GRID1: variants seen among roughly 807,000 people sequenced by gnomAD.
GRID1 encodes glutamate receptor ionotropic, delta-1.
In GRID1, 28 loss-of-function variants were observed where a neutral mutation model predicts 98.0. The observed-to-expected ratio is 0.29, with a 90% CI of 0.21 to 0.39. The LOEUF (loss-of-function observed/expected upper bound fraction) is 0.39, where lower values mean the gene tolerates loss of function less well. Ranked by LOEUF, GRID1 falls within the 10% of genes least tolerant of loss-of-function variation. GRID1 has a pLI of 1.00. For missense variants in GRID1, 1,111 were observed against 1,340.5 expected (o/e 0.83, Z 2.67); for synonymous variants, 553 against 538.5 (o/e 1.03, Z -0.37).
rs1177242598 is a variant in GRID1 at position 86,263,428 on chromosome 10, C to T, written c.236-56780G>A. Among the ~76,000 whole-genome samples the T allele has an allele frequency of 3.9e-5, 6 of 152,290 alleles. No individual in the cohort carries two copies. In the South Asian group the frequency reaches 1.2e-3, roughly 32 times the overall value. On this transcript the variant is annotated intron_variant, in intron 2 of 15. Coordinates refer to ENST00000327946, the MANE Select transcript of GRID1 (RefSeq NM_017551.3). ...TCGTCAGAATCCAGGCCCAACGGGA[C>T]GGTTCCCCAGACACTGACTTCGGGG...
chr10:86,149,007 A>T (rs191411977), intron 3 of GRID1, among the ~76,000 whole-genome samples: 1 of 152,318 alleles, frequency 6.6e-6, no homozygotes, highest in Non-Finnish European at 1.5e-5. Flanking sequence ...AGTGCAAAAT[A>T]GATGTTCAGC....
At chr10:85,764,833 A>G (rs767562860) in intron 8 of GRID1, among the ~76,000 whole-genome samples, 39 of 152,202 alleles carry the variant, frequency 2.6e-4, no homozygotes, top group Non-Finnish European at 4.7e-4. Flanking sequence ...CAAGGAAAAG[A>G]GAATGGGAAA....
chr10:86,065,040 G>A (rs1336478800), intron 4 of GRID1, among the ~76,000 whole-genome samples: 2 of 152,194 alleles, frequency 1.3e-5, no homozygotes, highest in East Asian at 1.9e-4. Context: ...TGGCTCAGGA[G>A]CAGCTGTTCT....
At chr10:85,626,582 T>C (rs1842915047) in intron 13 of GRID1, among the ~76,000 whole-genome samples, 1 of 152,224 alleles carries the variant, frequency 6.6e-6, no homozygotes, top group Admixed American at 6.5e-5. Flanking sequence ...CACATTCTCA[T>C]GTACATTCAC....
intron 8 of GRID1, among the ~76,000 whole-genome samples, chr10:85,791,288 C>T (rs970735198): frequency 4.6e-5 from 7 of 152,212 alleles, no homozygotes; most frequent in Admixed American, 6.5e-5. Flanking sequence ...TGCCCCATGG[C>T]GAGATGGAGC....
At chr10:85,648,507 C>G (rs904341436) in intron 12 of GRID1, among the ~76,000 whole-genome samples, 1 of 152,118 alleles carries the variant, frequency 6.6e-6, no homozygotes, top group African/African-American at 2.4e-5. Context: ...ATCATCATCC[C>G]TCCCTCTCTC....
chr10:86,230,568 A>G (rs1389959524), intron 2 of GRID1, among the ~76,000 whole-genome samples: 1 of 152,174 alleles, frequency 6.6e-6, no homozygotes, highest in Non-Finnish European at 1.5e-5. Context: ...GCGAGGAAAC[A>G]TGCATTTCTT....
chr10:86,055,055 A>T (rs1230847293), intron 4 of GRID1, among the ~76,000 whole-genome samples: 3 of 152,210 alleles, frequency 2.0e-5, no homozygotes, highest in African/African-American at 7.2e-5. Flanking sequence ...GAAAAGCCAC[A>T]TGAGCCAAGG....
intron 2 of GRID1, among the ~76,000 whole-genome samples, chr10:86,272,214 A>G (rs966352367): frequency 6.6e-6 from 1 of 152,232 alleles, no homozygotes; most frequent in Non-Finnish European, 1.5e-5. Flanking sequence ...AGAACGGCAG[A>G]GTAGACAGCT....
chr10:85,770,539 GA>G (rs1842253039), intron 8 of GRID1, among the ~76,000 whole-genome samples: 2 of 152,156 alleles, frequency 1.3e-5, no homozygotes, highest in African/African-American at 4.8e-5. Context: ...GCTACAGGAG[GA>G]AATTCAAACC....
chr10:86,076,589 C>G (rs1843884463), intron 4 of GRID1, among the ~76,000 whole-genome samples: 1 of 152,154 alleles, frequency 6.6e-6, no homozygotes, highest in African/African-American at 2.4e-5. Flanking sequence ...GGCTGTCAGA[C>G]CGGAGACCCA....
intron 2 of GRID1, among the ~76,000 whole-genome samples, chr10:86,344,975 C>A (rs899624661): frequency 6.6e-6 from 1 of 152,186 alleles, no homozygotes; most frequent in African/African-American, 2.4e-5. Flanking sequence ...TTTCCCTGCC[C>A]GGATGGACAA....
intron 8 of GRID1, among the ~76,000 whole-genome samples, chr10:85,843,183 A>G (rs906860261): frequency 6.6e-6 from 1 of 152,056 alleles, no homozygotes; most frequent in Non-Finnish European, 1.5e-5. Flanking sequence ...AAGCAATTCA[A>G]TGGAGGATGG....
At chr10:85,641,360 A>C (rs1472733385) in intron 13 of GRID1, among the ~76,000 whole-genome samples, 1 of 152,248 alleles carries the variant, frequency 6.6e-6, no homozygotes, top group Non-Finnish European at 1.5e-5. Context: ...AAAGTCACAG[A>C]CTTCAATAAC....
chr10:86,123,691 CTGAAAGAAAGAGGA>C (rs1844711128), intron 4 of GRID1, among the ~76,000 whole-genome samples: 1 of 152,208 alleles, frequency 6.6e-6, no homozygotes, highest in Admixed American at 6.5e-5. Flanking sequence ...GAATTCCCTG[CTGAAAGAAAGAGGA>C]AAGATGCACT....
At chr10:85,925,119 G>A (rs891241852) in intron 4 of GRID1, among the ~76,000 whole-genome samples, 3 of 152,188 alleles carry the variant, frequency 2.0e-5, no homozygotes, top group Non-Finnish European at 2.9e-5. Context: ...GCCAGGAGGC[G>A]CCAATGAGTA....
At chr10:85,736,348 A>C (rs1452946208) in intron 8 of GRID1, among the ~76,000 whole-genome samples, 2 of 152,162 alleles carry the variant, frequency 1.3e-5, no homozygotes, top group Non-Finnish European at 2.9e-5. Context: ...GAAGGAATGA[A>C]GGAAATAACC....
chr10:85,728,038 C>G lies in GRID1; in HGVS notation c.1350G>C (p.Val450=), dbSNP rs1841782116. ...GTCCTAGGATGTTCTCAGCCACCAT[C>G]ACGAAAGGCTCTTCCTGAGGACAAC... The part of the protein sequence containing the change: ...KVVTVLEEPF[V]MVAENILGQP... Residue 450 remains valine (V), a synonymous_variant, in exon 10 of 16, where the codon GTG becomes GTC. Coordinates refer to ENST00000327946, the MANE Select transcript of GRID1 (RefSeq NM_017551.3). 1.2e-6 allele frequency: 2 copies of G among 1,612,154 alleles called. No homozygotes were observed. Among genetic ancestry groups the G allele is most frequent in the African/African-American group, 1.3e-5 (1 of 74,884 alleles).
chr10:85,650,640 A>T (rs1262696048), intron 12 of GRID1, among the ~76,000 whole-genome samples: 3 of 152,240 alleles, frequency 2.0e-5, no homozygotes, highest in African/African-American at 7.2e-5. Flanking sequence ...GGATCCCAGA[A>T]GCACAGAGAA....
Sources: gnomAD v4.1 joint callset for allele counts (sites outside exome capture counted in the v4.1 genomes callset) on GRCh38, gnomAD v4.1.1 for gene constraint, MANE v1.5 for transcripts, NCBI Gene and HGNC (gene_info 2026-07-23, HGNC 2026-07-21) for gene names.